SPIRE1: variants seen among roughly 807,000 people sequenced by gnomAD.
SPIRE1 encodes the protein protein spire homolog 1.
In SPIRE1, 40 loss-of-function variants were observed where a neutral mutation model predicts 94.1. That is an observed-to-expected ratio of 0.43 (90% CI 0.33 to 0.55). The LOEUF is 0.55. SPIRE1 is among the 20% of genes least tolerant of loss of function. SPIRE1 has a pLI of 0.06. For missense variants in SPIRE1, 838 were observed against 975.2 expected, an observed-to-expected ratio of 0.86 and a Z score of 1.87; for synonymous variants, 376 against 371.7, an observed-to-expected ratio of 1.01 and a Z score of -0.13.
At chr18:12,512,643 G>C in intron 4 of SPIRE1, 112 bp from the exon 5 acceptor site, 1 of 673,864 alleles carries the variant, frequency 1.5e-6, no homozygotes, top group Non-Finnish European at 2.5e-6. Flanking sequence ...TGAAGGAGAT[G>C]GTACAGAATC....
intron 3 of SPIRE1, among the ~76,000 whole-genome samples, chr18:12,542,180 T>C (rs12956385): frequency 0.54 from 81,462 of 151,814 alleles, 23,077 homozygotes; most frequent in Middle Eastern, 0.74. Context: ...GGTTTCACCA[T>C]GGTAGTCAGG....
chr18:12,579,186 TACACACACACACATACACACAC>T lies in SPIRE1; in HGVS notation c.373-32304_373-32283del, dbSNP rs1464724094. The stretch of plus-strand genomic sequence containing the variant: ...AATTTTCCACTGAGAGGAAAAAGTT[TACACACACACACATACACACAC>T]ACACACACACACACACACACACACA... On this transcript the variant is annotated intron_variant, in intron 2 of 16. Transcript: ENST00000409402. Among the ~76,000 whole-genome samples the T allele has an allele frequency of 4.2e-4, 46 of 108,584 alleles. 1 individual carries two copies. The highest frequency in any genetic ancestry group is 1.4e-3 in the African/African-American group (43 of 29,900). The allele number at this position is 108,584 out of a possible 152,430, so 71.2% of individuals were successfully genotyped here. A position where few individuals can be genotyped will look rare whatever the true frequency, so the allele number is the denominator to read the frequency against.
chr18:12,478,474 C>G (rs2032699593), intron 10 of SPIRE1, among the ~76,000 whole-genome samples: 1 of 138,826 alleles, frequency 7.2e-6, no homozygotes, highest in African/African-American at 2.8e-5. Flanking sequence ...TGCACGCACA[C>G]ATGTGTAGCT....
chr18:12,581,161 C>T (rs574350970), intron 2 of SPIRE1, among the ~76,000 whole-genome samples: 1 of 151,962 alleles, frequency 6.6e-6, no homozygotes, highest in Admixed American at 6.6e-5. Flanking sequence ...CAGGTGAGAC[C>T]GGCAATCCCC....
chr18:12,636,766 T>C (rs2037939942), intron 1 of SPIRE1, among the ~76,000 whole-genome samples: 1 of 152,222 alleles, frequency 6.6e-6, no homozygotes, highest in Non-Finnish European at 1.5e-5. Context: ...TATATATTTA[T>C]TTATTGTTAC....
chr18:12,569,633 C>CA lies in SPIRE1; in HGVS notation c.373-22730dup, dbSNP rs747844520. Among the ~76,000 whole-genome samples, 562 of 77,624 alleles carry CA rather than the reference C, an allele frequency of 7.2e-3. 4 individuals carry two copies. Among genetic ancestry groups the CA allele is most frequent in the Middle Eastern group, 0.025 (3 of 118 alleles). The allele number at this position is 77,624 out of a possible 152,430, so 50.9% of individuals were successfully genotyped here. ...ACGTAGAAATGTTTAAAAACAACAA[C>CA]AACAAAAAAAAAAAACAAGAGAAAA... On this transcript the variant is annotated intron_variant, in intron 2 of 16. Coordinates refer to ENST00000409402, the MANE Select transcript of SPIRE1 (RefSeq NM_001128626.2).
chr18:12,532,865 T>C (rs1174554102), intron 4 of SPIRE1, among the ~76,000 whole-genome samples: 1 of 152,206 alleles, frequency 6.6e-6, no homozygotes, highest in Non-Finnish European at 1.5e-5. Flanking sequence ...AGAGAAGTGA[T>C]GACAGGAGCT....
At chr18:12,615,345 A>AAAAAAAAAAAAAAAAATATAT in intron 2 of SPIRE1, among the ~76,000 whole-genome samples, 8 of 17,238 alleles carry the variant, frequency 4.6e-4, no homozygotes, top group East Asian at 3.4e-3. Context: ...AAAAAAAAAA[A>AAAAAAAAAAAAAAAAATATAT]ATATATATAT....
Position 12,657,458 on chromosome 18 carries a change from G to C in SPIRE1, c.337+72C>G, listed in dbSNP as rs572065195. The C allele has an allele frequency of 1.2e-5, 14 of 1,153,080 alleles. No individual in the cohort carries two copies. In the African/African-American group the frequency reaches 2.1e-4, roughly 17 times the overall value. The allele number at this position is 1,153,080 out of a possible 1,614,324, so 71.4% of individuals were successfully genotyped here. On this transcript the variant is annotated intron_variant, in intron 1 of 16. Transcript: ENST00000409402. ...GGACGGCGGGGGCGGAAGGGCCGGG[G>C]ACGCTGAGGGTAAGGCGGCCCAGCC...
chr18:12,474,148 C>G (rs1230380648), intron 10 of SPIRE1, among the ~76,000 whole-genome samples: 4 of 152,186 alleles, frequency 2.6e-5, no homozygotes, highest in Non-Finnish European at 5.9e-5. Context: ...TTTCCTATAT[C>G]AAGAGTGAAT....
intron 2 of SPIRE1, among the ~76,000 whole-genome samples, chr18:12,548,685 C>G (rs2035244733): frequency 6.6e-6 from 1 of 151,180 alleles, no homozygotes; most frequent in African/African-American, 2.4e-5. Flanking sequence ...AATTACGGCT[C>G]ACTGCAGCTT....
intron 2 of SPIRE1, among the ~76,000 whole-genome samples, chr18:12,549,439 GTTT>G (rs869122444): frequency 0.021 from 855 of 41,250 alleles, 11 homozygotes; most frequent in African/African-American, 0.095. Context: ...TGTTATTGTT[GTTT>G]TTTTTTTTTT....
intron 2 of SPIRE1, among the ~76,000 whole-genome samples, chr18:12,595,086 TG>T (rs2036633844): frequency 6.6e-6 from 1 of 152,178 alleles, no homozygotes; most frequent in Non-Finnish European, 1.5e-5. Flanking sequence ...AAGACCAGTG[TG>T]GGCAAAAGAG....
chr18:12,530,906 A>C (rs2034662241), intron 4 of SPIRE1, among the ~76,000 whole-genome samples: 1 of 152,190 alleles, frequency 6.6e-6, no homozygotes, highest in South Asian at 2.1e-4. Context: ...GAATTTGGTG[A>C]GCATACTGCA....
Position 12,463,407 on chromosome 18 carries a change from T to C in SPIRE1, c.1582A>G (p.Thr528Ala). ...PQRRHSIEKE[T>A]PTNVRQFLPP... Reference sequence around the variant, plus strand: ...AGGAACTGCCTCACGTTAGTAGGCGTTTCCTTTTCAATGGAATGTCGTCTC... The same window carrying C: ...AGGAACTGCCTCACGTTAGTAGGCGCTTCCTTTTCAATGGAATGTCGTCTC... The change falls in exon 12 of 17, where the codon ACG becomes GCG. Residue 528 changes from threonine to alanine, a missense_variant. This residue lies in a region of SPIRE1 where 645 missense variants were observed against 804.7 expected (regional missense o/e 0.80). Transcript: ENST00000409402. 3.7e-6 allele frequency: 6 copies of C among 1,614,034 alleles called. No individual in the cohort carries two copies. The highest frequency in any genetic ancestry group is 5.1e-6 in the Non-Finnish European group (6 of 1,179,948).
chr18:12,482,932 A>C (rs1276045493), intron 9 of SPIRE1, among the ~76,000 whole-genome samples: 1 of 148,172 alleles, frequency 6.7e-6, no homozygotes, highest in Non-Finnish European at 1.5e-5. Context: ...CAAAAGACTT[A>C]ATTGCACTTT....
intron 2 of SPIRE1, among the ~76,000 whole-genome samples, chr18:12,598,441 C>T (rs1488457383): frequency 6.6e-6 from 1 of 152,092 alleles, no homozygotes; most frequent in East Asian, 1.9e-4. Flanking sequence ...TTAGCATATG[C>T]CACTGTTTAC....
At chr18:12,644,568 G>A (rs1419516539) in intron 1 of SPIRE1, among the ~76,000 whole-genome samples, 2 of 151,942 alleles carry the variant, frequency 1.3e-5, no homozygotes, top group Non-Finnish European at 2.9e-5. Context: ...AAATATAAAC[G>A]GTGGTCAAGC....
chr18:12,495,140 T>C (rs1055217399), intron 7 of SPIRE1, among the ~76,000 whole-genome samples: 1 of 152,164 alleles, frequency 6.6e-6, no homozygotes, highest in African/African-American at 2.4e-5. Context: ...GCTTTAGTTG[T>C]ATACAAACTG....
Sources: gnomAD v4.1 joint callset for allele counts (sites outside exome capture counted in the v4.1 genomes callset) on GRCh38, gnomAD v4.1.1 for gene constraint, gnomAD v4.1.1 regional missense constraint, MANE v1.5 for transcripts, NCBI Gene and HGNC (gene_info 2026-07-23, HGNC 2026-07-21) for gene names.